Variants in CD55 observed in about 807,000 individuals in gnomAD.
CD55 encodes the protein complement decay-accelerating factor.
In CD55, 41 loss-of-function variants were observed where a neutral mutation model predicts 45.8. The ratio of observed to expected loss-of-function variants is 0.90; its 90% CI spans 0.70 to 1.16. CD55 has a LOEUF of 1.16. CD55 is among the 50% of genes most tolerant of loss of function. The probability of loss-of-function intolerance (pLI) is 0.00; values close to 1 mark genes in which losing one functional copy is unlikely to be tolerated. For missense variants in CD55, 416 were observed against 469.8 expected (o/e 0.89, Z 1.06); for synonymous variants, 181 against 181.1 (o/e 1.00, Z 0.01).
intron 6 of CD55, among the ~76,000 whole-genome samples, chr1:207,332,815 A>C (rs1655008282): frequency 6.6e-6 from 1 of 152,180 alleles, no homozygotes; most frequent in Non-Finnish European, 1.5e-5. Flanking sequence ...ACAGCTGTGG[A>C]AGCAACAAGG....
chr1:207,340,671 A>G lies in CD55; in HGVS notation c.1081+1254A>G. On this transcript the variant is annotated intron_variant, in intron 9 of 9. Transcript: ENST00000367064. ...TGTGAGCCACTGCACCTGGCCCCAC[A>G]TTTTCTTTATCCATTTGTACATTGA... 3 of 576,292 alleles carry G rather than the reference A, an allele frequency of 5.2e-6. 1 individual carries two copies. Among genetic ancestry groups the G allele is most frequent in the South Asian group, 4.1e-5 (2 of 48,570 alleles). 35.7% of individuals were successfully genotyped at this position (576,292 alleles called of 1,614,324 possible).
chr1:207,325,891 T>C (rs569005343), intron 4 of CD55, among the ~76,000 whole-genome samples, 170 bp downstream of exon 4: 1 of 152,138 alleles, frequency 6.6e-6, no homozygotes, highest in Non-Finnish European at 1.5e-5. Flanking sequence ...TTTAGTAAAA[T>C]GGGGGCAAGA....
intron 5 of CD55, among the ~76,000 whole-genome samples, chr1:207,329,106 G>A (rs551311636): frequency 1.3e-4 from 20 of 152,230 alleles, no homozygotes; most frequent in Non-Finnish European, 2.5e-4. Flanking sequence ...GGACCAGTGG[G>A]AGGGACCCTC....
At chr1:207,353,944 G>C (rs1655985132) in intron 9 of CD55, 4 of 1,484,322 alleles carry the variant, frequency 2.7e-6, no homozygotes, top group Non-Finnish European at 3.6e-6. Flanking sequence ...ATATAAGCAA[G>C]AACAAAACCT....
intron 7 of CD55, chr1:207,337,114 A>C (rs1003398720): frequency 1.7e-6 from 1 of 604,180 alleles, no homozygotes; most frequent in Admixed American, 3.0e-5. Context: ...CTTTCATATC[A>C]AAAACCCTAT....
chr1:207,331,259 TGAA>T lies in CD55; in HGVS notation c.818_820del (p.Glu273del). The stretch of plus-strand genomic sequence containing the variant: ...CTATTTATTGTACTGTGAATAATGA[TGAA>T]GGAGAGTGGAGTGGCCCACCACCTG... On this transcript the variant is annotated inframe_deletion, in exon 6 of 10. Coordinates refer to ENST00000367064, the MANE Select transcript of CD55 (RefSeq NM_000574.5). 1.9e-6 allele frequency: 3 copies of T among 1,613,894 alleles called. No homozygotes were observed. The highest frequency in any genetic ancestry group is 3.3e-4 in the Middle Eastern group (2 of 6,060).
At chr1:207,357,247 A>G (rs1656111214) in intron 9 of CD55, among the ~76,000 whole-genome samples, 1 of 152,162 alleles carries the variant, frequency 6.6e-6, no homozygotes, top group Non-Finnish European at 1.5e-5. Context: ...TCTAGCTGTC[A>G]TGATAGCAAA....
At chr1:207,350,009 C>G (rs748987371) in intron 9 of CD55, 15 of 409,560 alleles carry the variant, frequency 3.7e-5, no homozygotes, top group Non-Finnish European at 6.7e-5. Flanking sequence ...CCTGGCGGCT[C>G]TTATTATTTT....
intron 9 of CD55, chr1:207,354,193 T>A (rs988903168): frequency 1.5e-6 from 2 of 1,314,950 alleles, no homozygotes; most frequent in Non-Finnish European, 2.0e-6. Flanking sequence ...TTTTGTTTGA[T>A]GAATATCAGG....
At chr1:207,348,892 C>A (rs1016746375) in intron 9 of CD55, among the ~76,000 whole-genome samples, 4 of 152,106 alleles carry the variant, frequency 2.6e-5, no homozygotes, top group African/African-American at 7.2e-5. Flanking sequence ...GGCTTTATAT[C>A]TGGGTTTTCT....
rs560182422 is a variant in CD55 at position 207,355,289 on chromosome 1, C to T, written c.1082-4257C>T. 2.2e-4 allele frequency among the ~76,000 whole-genome samples: 28 copies of T among 128,566 alleles called. 1 individual carries two copies. The South Asian group carries it at 6.8e-3, about 31-fold the overall frequency. The allele number at this position is 128,566 out of a possible 152,430, so 84.3% of individuals were successfully genotyped here. On this transcript the variant is annotated intron_variant, in intron 9 of 9. Transcript: ENST00000367064. ...TCTGTCATTTCCTTTGTAGTAAAGACCAATAGAGTTGAGTCCAAGGACACT... is the reference window on the plus strand; with the variant it reads ...TCTGTCATTTCCTTTGTAGTAAAGATCAATAGAGTTGAGTCCAAGGACACT...
At chr1:207,331,050 T>C (rs1170954824) in intron 5 of CD55, 58 bp from the exon 6 acceptor site, 23 of 1,207,174 alleles carry the variant, frequency 1.9e-5, no homozygotes, top group Admixed American at 4.3e-5. Context: ...TTGATCTTAT[T>C]TGTAAAAATA....
intron 9 of CD55, among the ~76,000 whole-genome samples, chr1:207,344,108 A>G (rs542353342): frequency 2.3e-4 from 35 of 152,186 alleles, no homozygotes; most frequent in Non-Finnish European, 4.7e-4. Flanking sequence ...GTGTTTTTGC[A>G]TCCATTCAGC....
At chr1:207,322,648 G>C in intron 2 of CD55, 81 bp downstream of exon 2, 1 of 1,165,030 alleles carries the variant, frequency 8.6e-7, no homozygotes. Context: ...GGAGTGACTA[G>C]TAATTGATAG....
At position 207,349,439 on chromosome 1, in the gene CD55, T is replaced by G. The variant is rs1655779909; in HGVS notation, c.1081+10022T>G. Among the ~76,000 whole-genome samples, 4 of 152,026 alleles carry G rather than the reference T, an allele frequency of 2.6e-5. No individual in the cohort carries two copies. In the South Asian group the frequency reaches 8.3e-4, roughly 32 times the overall value. ...CTCAAGTGATCCACCTGCCTCAGCCTTGCAAAGTGCTGGGATTACAGGCAT... is the reference window on the plus strand; with the variant it reads ...CTCAAGTGATCCACCTGCCTCAGCCGTGCAAAGTGCTGGGATTACAGGCAT... On this transcript the variant is annotated intron_variant, in intron 9 of 9. Coordinates refer to ENST00000367064, the MANE Select transcript of CD55 (RefSeq NM_000574.5).
intron 9 of CD55, among the ~76,000 whole-genome samples, chr1:207,344,284 TTTCTC>T (rs1172589349): frequency 5.9e-5 from 9 of 152,222 alleles, no homozygotes; most frequent in East Asian, 1.9e-4. Flanking sequence ...ATTTTAGTCT[TTTCTC>T]TTCTTTGTGT....
At chr1:207,326,871 G>C (rs1161155348) in intron 5 of CD55, 34 bp downstream of exon 5, 1 of 1,378,858 alleles carries the variant, frequency 7.3e-7, no homozygotes, top group South Asian at 1.2e-5. Context: ...CTCAGATTGT[G>C]AGGCTGAGTA....
rs752360687 is a variant in CD55 at position 207,322,569 on chromosome 1, T to A, written c.286+2T>A. On this transcript the variant is annotated splice_donor_variant, in intron 2 of 9. Transcript: ENST00000367064. LOFTEE classifies it high-confidence loss of function. The stretch of plus-strand genomic sequence containing the variant: ...CAGATATTGAAGAGTTCTGCAATCG[T>A]AAGTTCTTCATCTTTTTAGAAAAGT... The A allele has an allele frequency of 6.3e-7, 1 of 1,594,458 alleles. No homozygotes were observed. The highest frequency in any genetic ancestry group is 8.5e-7 in the Non-Finnish European group (1 of 1,172,592).
chr1:207,336,854 A>G, intron 7 of CD55, 36 bp downstream of exon 7: 1 of 1,612,454 alleles, frequency 6.2e-7, no homozygotes, highest in Non-Finnish European at 8.5e-7. Flanking sequence ...AAAACACACC[A>G]CAGAAAATGT....
Sources: allele counts gnomAD v4.1 joint callset (sites outside exome capture counted in the v4.1 genomes callset), GRCh38; gene constraint gnomAD v4.1.1; transcripts MANE v1.5; gene names NCBI Gene and HGNC (gene_info 2026-07-23, HGNC 2026-07-21).